Variants in DLGAP2 observed in about 807,000 individuals in gnomAD.
The protein encoded by DLGAP2 is DLG associated protein 2, also known as disks large-associated protein 2.
DLGAP2 carries 26 observed loss-of-function variants against 100.3 expected under a neutral mutation model. The ratio of observed to expected loss-of-function variants is 0.26; its 90% confidence interval spans 0.19 to 0.36. The LOEUF (loss-of-function observed/expected upper bound fraction) is 0.36, where lower values mean the gene tolerates loss of function less well. Ranked by LOEUF, DLGAP2 falls within the 10% of genes least tolerant of loss-of-function variation. The pLI is 1.00. For synonymous variants in DLGAP2, 886 were observed against 630.1 expected (o/e 1.41, Z -6.08); for missense variants, 1,858 against 1,453.2 (o/e 1.28, Z -4.53).
intron 2 of DLGAP2, among the ~76,000 whole-genome samples, chr8:974,130 G>A (rs887750868): frequency 1.3e-5 from 2 of 151,998 alleles, no homozygotes; most frequent in African/African-American, 2.4e-5. Flanking sequence ...AGAATTTTTC[G>A]GAACTAATGG....
intron 6 of DLGAP2, among the ~76,000 whole-genome samples, chr8:1,572,560 G>T (rs1802771346): frequency 7.5e-6 from 1 of 132,614 alleles, no homozygotes; most frequent in Non-Finnish European, 1.6e-5. Flanking sequence ...GAGATGGAGA[G>T]GAGAGAGGGT....
At chr8:1,606,596 G>C (rs1796807976) in intron 6 of DLGAP2, among the ~76,000 whole-genome samples, 1 of 152,208 alleles carries the variant, frequency 6.6e-6, no homozygotes, top group African/African-American at 2.4e-5. Context: ...TGTATGGATA[G>C]ACCACAGTTT....
chr8:1,059,634 C>A (rs548254194), intron 2 of DLGAP2, among the ~76,000 whole-genome samples: 22 of 152,304 alleles, frequency 1.4e-4, no homozygotes, highest in African/African-American at 5.1e-4. Flanking sequence ...TGTGTCCCCA[C>A]CACTTCACAA....
chr8:1,457,195 C>T (rs1798339605), intron 3 of DLGAP2, among the ~76,000 whole-genome samples: 2 of 152,134 alleles, frequency 1.3e-5, no homozygotes, highest in African/African-American at 4.8e-5. Flanking sequence ...TCGTTTTCAT[C>T]CCATTTTATT....
intron 3 of DLGAP2, among the ~76,000 whole-genome samples, chr8:1,322,634 C>A (rs1028362679): frequency 6.6e-6 from 1 of 151,986 alleles, no homozygotes; most frequent in Non-Finnish European, 1.5e-5. Context: ...TGTGATTTCA[C>A]GTGTATTGTT....
At chr8:1,101,031 G>A (rs1804561104) in intron 2 of DLGAP2, among the ~76,000 whole-genome samples, 2 of 152,196 alleles carry the variant, frequency 1.3e-5, no homozygotes, top group African/African-American at 4.8e-5. Context: ...CCCACGTGGG[G>A]TTTCTTCTGG....
intron 1 of DLGAP2, among the ~76,000 whole-genome samples, chr8:781,315 TTTC>T (rs1462112338): frequency 6.6e-6 from 1 of 152,244 alleles, no homozygotes; most frequent in African/African-American, 2.4e-5. Flanking sequence ...CGTTAAGTTT[TTTC>T]TTACTATTTC....
intron 3 of DLGAP2, among the ~76,000 whole-genome samples, chr8:1,440,458 C>G (rs1021947382): frequency 7.2e-5 from 11 of 152,122 alleles, no homozygotes; most frequent in African/African-American, 2.4e-4. Flanking sequence ...CCACCCTGCC[C>G]GAATGCAGAG....
chr8:1,246,944 T>G (rs2116871026), intron 2 of DLGAP2: 2 of 134,398 alleles, frequency 1.5e-5, no homozygotes, highest in East Asian at 2.3e-4. Flanking sequence ...TCCATGTCGG[T>G]GGCCAGGAAC....
chr8:1,163,643 G>T (rs1455580115), intron 2 of DLGAP2, among the ~76,000 whole-genome samples: 1 of 152,182 alleles, frequency 6.6e-6, no homozygotes, highest in Non-Finnish European at 1.5e-5. Flanking sequence ...GAGGCTGCAG[G>T]CGGCCGCCTG....
chr8:1,407,284 A>G (rs866980894), intron 3 of DLGAP2, among the ~76,000 whole-genome samples: 150 of 1,926 alleles, frequency 0.078, 10 homozygotes, highest in Admixed American at 0.2. Flanking sequence ...CCACCTCCTC[A>G]TCCTCCAGAG....
At chr8:764,063 A>C (rs1821151049) in intron 1 of DLGAP2, among the ~76,000 whole-genome samples, 1 of 152,202 alleles carries the variant, frequency 6.6e-6, no homozygotes, top group Admixed American at 6.5e-5. Context: ...CCTAACCTGT[A>C]ACCACATTTA....
At chr8:1,661,590 G>A (rs1798410068) in intron 8 of DLGAP2, among the ~76,000 whole-genome samples, 1 of 152,202 alleles carries the variant, frequency 6.6e-6, no homozygotes, top group Admixed American at 6.5e-5. Context: ...CAGAAATGAG[G>A]GAGCTGTGAG....
At chr8:1,598,962 G>A (rs772603213) in intron 6 of DLGAP2, among the ~76,000 whole-genome samples, 2 of 152,098 alleles carry the variant, frequency 1.3e-5, no homozygotes, top group African/African-American at 4.8e-5. Flanking sequence ...TGATTTTAGG[G>A]TGTTGATTTT....
chr8:1,693,888 A>G (rs916164959), intron 13 of DLGAP2, among the ~76,000 whole-genome samples: 4 of 152,132 alleles, frequency 2.6e-5, no homozygotes, highest in East Asian at 1.9e-4. Flanking sequence ...TGCCTCCTCC[A>G]TAGTATCTAT....
intron 3 of DLGAP2, among the ~76,000 whole-genome samples, chr8:1,478,217 C>T (rs148005410): frequency 4.1e-4 from 62 of 152,286 alleles, no homozygotes; most frequent in Admixed American, 1.4e-3. Flanking sequence ...TTTACTCCTC[C>T]TTCAGACTGG....
intron 2 of DLGAP2, among the ~76,000 whole-genome samples, chr8:1,013,498 A>G (rs1340994518): frequency 6.6e-6 from 1 of 152,106 alleles, no homozygotes; most frequent in Non-Finnish European, 1.5e-5. Flanking sequence ...GGGCAGCATC[A>G]CAGGGTCTCT....
chr8:922,310 C>A (rs753648878), intron 2 of DLGAP2, among the ~76,000 whole-genome samples: 1 of 152,082 alleles, frequency 6.6e-6, no homozygotes, highest in Non-Finnish European at 1.5e-5. Context: ...GTGCTAATTG[C>A]GGTAAAGGGA....
intron 3 of DLGAP2, among the ~76,000 whole-genome samples, chr8:1,364,402 G>A (rs1366245605): frequency 6.6e-6 from 1 of 151,670 alleles, no homozygotes; most frequent in Non-Finnish European, 1.5e-5. Context: ...CCTGCTGTGG[G>A]CAGGCCTGGG....
Sources: gnomAD v4.1 joint callset for allele counts (sites outside exome capture counted in the v4.1 genomes callset) on GRCh38, gnomAD v4.1.1 for gene constraint, MANE v1.5 for transcripts, NCBI Gene and HGNC (gene_info 2026-07-23, HGNC 2026-07-21) for gene names.